LCLAT1: variants seen among roughly 807,000 people sequenced by gnomAD.
LCLAT1 encodes the protein 1-AGP acyltransferase 8.
Under a neutral mutation model 30.7 loss-of-function variants are expected in LCLAT1, and 11 were observed. The observed-to-expected ratio is 0.36, with a 90% CI of 0.23 to 0.59. LCLAT1 has a LOEUF of 0.59. LCLAT1 is among the 20% of genes least tolerant of loss of function. The pLI is 0.77. For missense variants in LCLAT1, 402 were observed against 458.6 expected (o/e 0.88, Z 1.13); for synonymous variants, 155 against 151.3 (o/e 1.02, Z -0.18).
At chr2:30,512,372 T>C (rs1046450603) in intron 1 of LCLAT1, among the ~76,000 whole-genome samples, 1 of 152,194 alleles carries the variant, frequency 6.6e-6, no homozygotes, top group Admixed American at 6.5e-5. Flanking sequence ...GTCTTCTCTT[T>C]GCCCTCTGGA....
chr2:30,558,153 T>C (rs909778710), intron 3 of LCLAT1, among the ~76,000 whole-genome samples: 1 of 152,136 alleles, frequency 6.6e-6, no homozygotes, highest in African/African-American at 2.4e-5. Flanking sequence ...ATTTATATTC[T>C]GTATATGTGT....
At chr2:30,629,808 T>A (rs527237481) in intron 5 of LCLAT1, among the ~76,000 whole-genome samples, 1 of 152,228 alleles carries the variant, frequency 6.6e-6, no homozygotes, top group Admixed American at 6.5e-5. Context: ...AAACTTTTTT[T>A]AATGTGATAT....
At chr2:30,552,911 T>C (rs1395798431) in intron 3 of LCLAT1, among the ~76,000 whole-genome samples, 1 of 152,236 alleles carries the variant, frequency 6.6e-6, no homozygotes, top group Non-Finnish European at 1.5e-5. Context: ...AGCATTTCTG[T>C]GGTTGCATCC....
intron 1 of LCLAT1, among the ~76,000 whole-genome samples, chr2:30,458,522 G>C (rs576221410): frequency 6.6e-6 from 1 of 152,290 alleles, no homozygotes; most frequent in South Asian, 2.1e-4. Flanking sequence ...TAGGGAGGTA[G>C]GGTGATTGAG....
At chr2:30,465,586 G>A (rs753629627) in intron 1 of LCLAT1, among the ~76,000 whole-genome samples, 1 of 152,152 alleles carries the variant, frequency 6.6e-6, no homozygotes, top group East Asian at 1.9e-4. Context: ...GTTAATTATT[G>A]TGAATAGCAC....
At chr2:30,586,202 A>G (rs113380466) in intron 5 of LCLAT1, among the ~76,000 whole-genome samples, 1,789 of 143,750 alleles carry the variant, frequency 0.012, 26 homozygotes, top group African/African-American at 0.045. Flanking sequence ...AGATCGCGCC[A>G]CTGCACTCCA....
intron 5 of LCLAT1, among the ~76,000 whole-genome samples, chr2:30,621,255 T>C (rs936853732): frequency 1.3e-5 from 2 of 152,210 alleles, no homozygotes; most frequent in East Asian, 1.9e-4. Flanking sequence ...AATGAATGTT[T>C]TGATGTTGCT....
chr2:30,491,427 A>G (rs962726766), intron 1 of LCLAT1, among the ~76,000 whole-genome samples: 1 of 152,178 alleles, frequency 6.6e-6, no homozygotes, highest in Non-Finnish European at 1.5e-5. Flanking sequence ...ACTTGCTTTT[A>G]AGGCTGCATT....
At chr2:30,543,183 A>G (rs900538241) in intron 3 of LCLAT1, among the ~76,000 whole-genome samples, 14 of 152,096 alleles carry the variant, frequency 9.2e-5, no homozygotes, top group Non-Finnish European at 1.8e-4. Flanking sequence ...AAACGGTGTC[A>G]AATTTGGTTT....
chr2:30,625,994 G>T (rs1207304415), intron 5 of LCLAT1, among the ~76,000 whole-genome samples: 1 of 152,180 alleles, frequency 6.6e-6, no homozygotes, highest in Non-Finnish European at 1.5e-5. Context: ...GTTCACCCAT[G>T]TACCCCAGAT....
At chr2:30,464,210 G>A (rs1347394674) in intron 1 of LCLAT1, among the ~76,000 whole-genome samples, 2 of 151,386 alleles carry the variant, frequency 1.3e-5, no homozygotes, top group Non-Finnish European at 2.9e-5. Flanking sequence ...TTTTTTTTTA[G>A]TGTTCATTTT....
intron 5 of LCLAT1, among the ~76,000 whole-genome samples, chr2:30,604,927 G>T (rs757386168): frequency 2.6e-5 from 4 of 152,196 alleles, no homozygotes; most frequent in African/African-American, 9.6e-5. Context: ...CAGGAAAAAG[G>T]CTGCCTCAAG....
intron 1 of LCLAT1, among the ~76,000 whole-genome samples, chr2:30,478,152 G>A (rs1683140762): frequency 2.0e-5 from 3 of 151,346 alleles, no homozygotes; most frequent in Non-Finnish European, 2.9e-5. Context: ...GTTAACACGA[G>A]ATTGGGGTGT....
intron 5 of LCLAT1, among the ~76,000 whole-genome samples, chr2:30,621,161 T>G (rs1668228647): frequency 6.6e-6 from 1 of 152,192 alleles, no homozygotes; most frequent in Non-Finnish European, 1.5e-5. Context: ...TTATTCTCCC[T>G]GCTTAAATTT....
intron 1 of LCLAT1, among the ~76,000 whole-genome samples, chr2:30,498,695 C>T (rs1438791029): frequency 6.6e-6 from 1 of 152,150 alleles, no homozygotes; most frequent in African/African-American, 2.4e-5. Context: ...TCACTTTCTG[C>T]AGCTGTAAAA....
chr2:30,491,559 C>A (rs1377907117), intron 1 of LCLAT1, among the ~76,000 whole-genome samples: 1 of 152,204 alleles, frequency 6.6e-6, no homozygotes, highest in Non-Finnish European at 1.5e-5. Context: ...TGCTGTATTT[C>A]TGACTCTCAT....
intron 5 of LCLAT1, among the ~76,000 whole-genome samples, chr2:30,629,169 G>A (rs1051745827): frequency 1.1e-4 from 16 of 152,308 alleles, no homozygotes; most frequent in African/African-American, 3.6e-4. Context: ...ATGGTAGAGG[G>A]TAAAGAACTC....
intron 1 of LCLAT1, among the ~76,000 whole-genome samples, chr2:30,513,804 A>G (rs1454567948): frequency 1.3e-5 from 2 of 152,148 alleles, no homozygotes; most frequent in Non-Finnish European, 2.9e-5. Context: ...TTATCTACCT[A>G]TGACCTGGAA....
intron 1 of LCLAT1, among the ~76,000 whole-genome samples, chr2:30,503,986 G>C (rs1572537879): frequency 6.6e-6 from 1 of 152,306 alleles, no homozygotes; most frequent in East Asian, 1.9e-4. Context: ...GGTCACAGGA[G>C]ATGTGAGGTC....
Sources: allele counts gnomAD v4.1 joint callset (sites outside exome capture counted in the v4.1 genomes callset), GRCh38; gene constraint gnomAD v4.1.1; transcripts MANE v1.5; gene names NCBI Gene and HGNC (gene_info 2026-07-23, HGNC 2026-07-21).